FRMPD1: variants seen among roughly 807,000 people sequenced by gnomAD.
FRMPD1 encodes FERM and PDZ domain containing 1.
FRMPD1 carries 76 observed loss-of-function variants against 117.8 expected under a neutral mutation model. The observed-to-expected ratio is 0.65, with a 90% CI of 0.54 to 0.78. The LOEUF (loss-of-function observed/expected upper bound fraction) is 0.78. Among genes scored for constraint, FRMPD1 ranks in the 30% least tolerant of loss-of-function variants. The pLI, the probability that FRMPD1 is intolerant of heterozygous loss-of-function variation, is 0.00. For missense variants in FRMPD1, 1,786 were observed against 1,964.5 expected (o/e 0.91, Z 1.72); for synonymous variants, 783 against 770.4 (o/e 1.02, Z -0.27).
chr9:37,680,306 A>G (rs1003892966), intron 1 of FRMPD1, among the ~76,000 whole-genome samples: 3 of 152,142 alleles, frequency 2.0e-5, no homozygotes, highest in Non-Finnish European at 2.9e-5. Flanking sequence ...TTGTCTTTGT[A>G]CCACACGACA....
At chr9:37,632,269 T>G in the FRMPD1 span, among the ~76,000 whole-genome samples, 10 of 152,250 alleles carry the variant, frequency 6.6e-5, no homozygotes, top group African/African-American at 2.4e-4. Context: ...TTCCTAATAT[T>G]CTGTTCAATA....
chr9:37,685,398 C>A (rs967433855), intron 1 of FRMPD1, among the ~76,000 whole-genome samples: 2 of 152,034 alleles, frequency 1.3e-5, no homozygotes, highest in Admixed American at 1.3e-4. Context: ...AATCCCAGCA[C>A]TTTGGGAGGC....
chr9:37,746,099 G>A lies in FRMPD1; in HGVS notation c.4067G>A (p.Arg1356Lys). ...CAGCCTGAGACAGAGGAAGAAGACA[G>A]GGACTTGGAAGCACACCCCATGGCC... ...GPQPETEEEDRDLEAHPMAPL... is the reference protein window; with the variant it reads ...GPQPETEEEDKDLEAHPMAPL... The change falls in exon 16 of 16, where the codon AGG becomes AAG. Residue 1356 changes from arginine (R) to lysine (K), a missense_variant. Coordinates refer to ENST00000377765, the MANE Select transcript of FRMPD1 (RefSeq NM_014907.3). The A allele has an allele frequency of 6.2e-7, 1 of 1,614,176 alleles. No homozygotes were observed. The highest frequency in any genetic ancestry group is 1.1e-5 in the South Asian group (1 of 91,088).
chr9:37,702,270 T>G (rs1378817074), intron 2 of FRMPD1, among the ~76,000 whole-genome samples: 1 of 152,230 alleles, frequency 6.6e-6, no homozygotes, highest in African/African-American at 2.4e-5. Flanking sequence ...TTTTGCTCAT[T>G]TATTTGCCCA....
intron 2 of FRMPD1, among the ~76,000 whole-genome samples, chr9:37,705,640 T>C (rs1822675696): frequency 6.6e-6 from 1 of 152,114 alleles, no homozygotes; most frequent in South Asian, 2.1e-4. Context: ...GTGTTATTTA[T>C]TGCATTTAGA....
At chr9:37,690,297 G>T (rs993045355) in intron 1 of FRMPD1, among the ~76,000 whole-genome samples, 4 of 151,724 alleles carry the variant, frequency 2.6e-5, no homozygotes, top group Admixed American at 2.0e-4. Context: ...ATTTCCAAAT[G>T]TTCGTTCTTA....
chr9:37,674,191 A>T (rs1056021398), intron 1 of FRMPD1, among the ~76,000 whole-genome samples: 5 of 152,184 alleles, frequency 3.3e-5, no homozygotes. Context: ...CTGCTTAAAA[A>T]TTTCTTCTGC....
chr9:37,744,681 T>C lies in FRMPD1; in HGVS notation c.2649T>C (p.Thr883=), dbSNP rs150491654. ...PYLALGAPSP[T]VSSLQDMQGE... is the part of the protein sequence containing the mutation. The stretch of plus-strand genomic sequence containing the variant: ...TGGCCCTTGGTGCACCCTCCCCAAC[T>C]GTGTCCTCTCTGCAGGACATGCAGG... Residue 883 remains threonine, a synonymous_variant, in exon 16 of 16, where the codon ACT becomes ACC. Coordinates refer to ENST00000377765, the MANE Select transcript of FRMPD1 (RefSeq NM_014907.3). 1.6e-3 allele frequency: 2,649 copies of C among 1,614,082 alleles called. 3 individuals carry two copies. The highest frequency in any genetic ancestry group is 1.8e-3 in the Non-Finnish European group (2,106 of 1,179,984).
chr9:37,710,386 G>T (rs373198555), intron 4 of FRMPD1, among the ~76,000 whole-genome samples: 2 of 152,270 alleles, frequency 1.3e-5, no homozygotes, highest in East Asian at 3.9e-4. Flanking sequence ...AAATATGATC[G>T]ATTTTCTCTG....
chr9:37,674,991 CATT>C (rs1357085183), intron 1 of FRMPD1, among the ~76,000 whole-genome samples: 3 of 152,124 alleles, frequency 2.0e-5, no homozygotes, highest in African/African-American at 7.2e-5. Context: ...TATGGGGTGA[CATT>C]ATAGAGTTGT....
At chr9:37,618,233 G>A in the FRMPD1 span, among the ~76,000 whole-genome samples, 3 of 152,208 alleles carry the variant, frequency 2.0e-5, no homozygotes, top group African/African-American at 7.2e-5. Flanking sequence ...CAAGACATCT[G>A]CAAGACATAA....
At chr9:37,685,414 C>A (rs367806980) in intron 1 of FRMPD1, among the ~76,000 whole-genome samples, 1 of 151,836 alleles carries the variant, frequency 6.6e-6, no homozygotes, top group Non-Finnish European at 1.5e-5. Context: ...GAGGCCAAGG[C>A]GGGCGGATCA....
intron 1 of FRMPD1, among the ~76,000 whole-genome samples, chr9:37,681,925 G>T (rs1821744727): frequency 6.6e-6 from 1 of 152,200 alleles, no homozygotes; most frequent in African/African-American, 2.4e-5. Context: ...ATGATCACAG[G>T]CTGTATGGAA....
upstream of FRMPD1, among the ~76,000 whole-genome samples, chr9:37,650,544 C>T (rs1456335031): frequency 6.6e-6 from 1 of 152,182 alleles, no homozygotes; most frequent in Non-Finnish European, 1.5e-5. Context: ...CAGGGCTCCC[C>T]GTAGCTGGGG....
intron 1 of FRMPD1, among the ~76,000 whole-genome samples, chr9:37,663,364 C>T (rs1821056877): frequency 6.6e-6 from 1 of 152,092 alleles, no homozygotes; most frequent in African/African-American, 2.4e-5. Flanking sequence ...GATTGCATGC[C>T]AGAGTGGAGA....
the FRMPD1 span, chr9:37,636,837 T>C: frequency 3.1e-6 from 5 of 1,612,066 alleles, no homozygotes; most frequent in Non-Finnish European, 4.2e-6. Flanking sequence ...GTGGCATTCT[T>C]GGCACTCGTC....
chr9:37,740,664 T>G lies in FRMPD1; in HGVS notation c.2136T>G (p.Ser712Arg), dbSNP rs1415551699. 5.6e-6 allele frequency: 9 copies of G among 1,613,998 alleles called. No homozygotes were observed. The highest frequency in any genetic ancestry group is 5.9e-6 in the Non-Finnish European group (7 of 1,180,012). The part of the protein sequence containing the change: ...SHADYYSLCS[S>R]VSPASYLSDS... ...CTGACTACTACAGCCTGTGTTCCAG[T>G]GTCTCCCCGGCCAGCTACCTGAGTG... The change falls in exon 15 of 16, where the codon AGT becomes AGG. Residue 712 changes from serine to arginine, a missense_variant. Transcript: ENST00000377765. This position sits in a 1 kb window ranked among gnomAD's most constrained non-coding sequence, Gnocchi z 4.2.
rs538479899 is a variant in FRMPD1 at position 37,698,029 on chromosome 9, C to T, written c.101+5287C>T. Among the ~76,000 whole-genome samples, 25 of 152,280 alleles carry T rather than the reference C, an allele frequency of 1.6e-4. 1 individual carries two copies. In the South Asian group the frequency reaches 3.7e-3, roughly 23 times the overall value. On this transcript the variant is annotated intron_variant, in intron 2 of 15. Coordinates refer to ENST00000377765, the MANE Select transcript of FRMPD1 (RefSeq NM_014907.3). The stretch of plus-strand genomic sequence containing the variant: ...ACTTGGAAGGCTGAGGCAGGAGAAT[C>T]TCTTGAACCTGGGAGGCAGAGGTTG...
the FRMPD1 span, among the ~76,000 whole-genome samples, chr9:37,627,734 C>T: frequency 2.6e-5 from 4 of 152,148 alleles, no homozygotes; most frequent in East Asian, 7.7e-4. Context: ...TATGCCTTCC[C>T]CCAAGTGGGT....
Sources: allele counts gnomAD v4.1 joint callset (sites outside exome capture counted in the v4.1 genomes callset), GRCh38; gene constraint gnomAD v4.1.1; non-coding constraint Gnocchi (gnomAD v3.1); transcripts MANE v1.5; gene names NCBI Gene and HGNC (gene_info 2026-07-23, HGNC 2026-07-21).